DMD: variants seen among roughly 807,000 people sequenced by gnomAD.
DMD encodes mutant dystrophin.
DMD carries 63 observed loss-of-function variants against 330.1 expected under a neutral mutation model. The observed-to-expected ratio is 0.19, with a 90% CI of 0.16 to 0.24. The LOEUF is 0.24. DMD is among the 10% of genes least tolerant of loss of function. The pLI, the probability that DMD is intolerant of heterozygous loss-of-function variation, is 1.00. For synonymous variants in DMD, 1,223 were observed against 959.8 expected, an observed-to-expected ratio of 1.27 and a Z score of -5.07; for missense variants, 3,344 against 2,684.1, an observed-to-expected ratio of 1.25 and a Z score of -5.43.
At chrX:32,697,224 A>C (rs1188951865) in intron 9 of DMD, among the ~76,000 whole-genome samples, 1 of 111,763 alleles carries the variant, frequency 8.9e-6, no homozygotes, top group Non-Finnish European at 1.9e-5. Flanking sequence ...GTTCCATACA[A>C]TATTGAAAGG....
At chrX:31,201,158 TACAC>T (rs57235865) in intron 67 of DMD, among the ~76,000 whole-genome samples, 3,834 of 98,231 alleles carry the variant, frequency 0.039, 78 homozygotes, top group Middle Eastern at 0.068. Flanking sequence ...AGAGACCCTG[TACAC>T]ACACACACAC....
In DMD at chrX:32,668,889, C is replaced by T. The variant is rs148948121; in HGVS notation, c.961-23737G>A. On this transcript the variant is annotated intron_variant, in intron 9 of 78. Transcript: ENST00000357033. ...TAGTTAAATACTAATGGGATTAAAA[C>T]TTCTTATCGAAGCTGTATGCTGAAT... Among the ~76,000 whole-genome samples the T allele has an allele frequency of 7.0e-3, 771 of 110,891 alleles. 7 individuals carry two copies. The highest frequency in any genetic ancestry group is 0.023 in the African/African-American group (706 of 30,516).
At chrX:32,352,439 C>T (rs2097784993) in intron 37 of DMD, among the ~76,000 whole-genome samples, 1 of 110,551 alleles carries the variant, frequency 9.0e-6, no homozygotes, top group Admixed American at 9.7e-5. Flanking sequence ...ATTGTATAAA[C>T]TCATAATCAA....
chrX:32,975,263 T>C (rs1015883109), intron 2 of DMD, among the ~76,000 whole-genome samples: 1 of 106,455 alleles, frequency 9.4e-6, no homozygotes, highest in Non-Finnish European at 1.9e-5. Flanking sequence ...CAACCCACAG[T>C]AAAAACAAAT....
chrX:33,139,868 T>TAAAAAAAAAAAAA (rs3990971), intron 1 of DMD, among the ~76,000 whole-genome samples: 35 of 64,336 alleles, frequency 5.4e-4, no homozygotes, highest in African/African-American at 2.7e-3. Context: ...GCCCCATCGC[T>TAAAAAAAAAAAAA]AAAAAAAAAA....
At chrX:33,112,764 C>A (rs1427975819) in intron 1 of DMD, among the ~76,000 whole-genome samples, 1 of 109,372 alleles carries the variant, frequency 9.1e-6, no homozygotes, top group African/African-American at 3.3e-5. Context: ...TGCATAGCTC[C>A]AATAAAATAT....
At chrX:31,787,830 C>G (rs755926029) in intron 50 of DMD, among the ~76,000 whole-genome samples, 154 of 111,747 alleles carry the variant, frequency 1.4e-3, no homozygotes, top group African/African-American at 4.9e-3. Context: ...TTGTAGAAAA[C>G]CATACTATGC....
At position 32,587,808 on chromosome X, in the gene DMD, T is replaced by C. The variant is rs189743469; in HGVS notation, c.1602+7949A>G. On this transcript the variant is annotated intron_variant, in intron 13 of 78. Transcript: ENST00000357033. Reference sequence around the variant, plus strand: ...TGCTCTGGGCTGATGATGATAATAATAGTAACTAATATTATTATTGCTTAC... The same window carrying C: ...TGCTCTGGGCTGATGATGATAATAACAGTAACTAATATTATTATTGCTTAC... Among the ~76,000 whole-genome samples the C allele has an allele frequency of 7.0e-4, 78 of 112,108 alleles. No homozygotes were observed. The East Asian group carries it at 0.019, about 27-fold the overall frequency.
chrX:32,917,604 T>G (rs1359636920), intron 2 of DMD, among the ~76,000 whole-genome samples: 1 of 111,749 alleles, frequency 8.9e-6, no homozygotes, highest in Non-Finnish European at 1.9e-5. Flanking sequence ...TCTCTCTAAC[T>G]CTATATTGTC....
At chrX:31,582,624 T>TAG (rs2076393130) in intron 55 of DMD, among the ~76,000 whole-genome samples, 1 of 112,089 alleles carries the variant, frequency 8.9e-6, no homozygotes, top group Non-Finnish European at 1.9e-5. Context: ...ATAGTGACTA[T>TAG]TCTTTATTAA....
intron 17 of DMD, among the ~76,000 whole-genome samples, chrX:32,536,002 C>G (rs112797684): frequency 9.0e-6 from 1 of 111,266 alleles, no homozygotes; most frequent in Admixed American, 9.6e-5. Flanking sequence ...CACTGTGGCT[C>G]ATGCCTCTAA....
rs192491017 is a variant in DMD, at chrX:32,404,864, G to C, written c.4233+6888C>G. 4.2e-3 allele frequency among the ~76,000 whole-genome samples: 471 copies of C among 111,529 alleles called. 1 individual carries two copies. The highest frequency in any genetic ancestry group is 0.014 in the African/African-American group (434 of 30,827). On this transcript the variant is annotated intron_variant, in intron 30 of 78. Coordinates refer to ENST00000357033, the MANE Select transcript of DMD (RefSeq NM_004006.3). ...ATTGAAGAAAGCCAAGCAGAGTTCA[G>C]CCTCAAACATCTATATTGAACATTC...
In DMD at chrX:32,386,463, G is replaced by A. The variant is rs2147560055; in HGVS notation, c.4521C>T (p.Asn1507=). The part of the protein sequence containing the change: ...VVQSQLNHCV[N]LYKSLSEVKS... Reference sequence around the variant, plus strand: ...TCACTTCACTCAGACTTTTATACAAGTTCTAAGTTTAAACATAAAACAAAA... The same window carrying A: ...TCACTTCACTCAGACTTTTATACAAATTCTAAGTTTAAACATAAAACAAAA... Residue 1507 remains asparagine (N), a splice_region_variant and synonymous_variant, in exon 33 of 79, where the codon AAC becomes AAT. Coordinates refer to ENST00000357033, the MANE Select transcript of DMD (RefSeq NM_004006.3). The A allele has an allele frequency of 8.4e-7, 1 of 1,196,575 alleles. No homozygotes were observed. The highest frequency in any genetic ancestry group is 1.8e-5 in the South Asian group (1 of 56,613).
chrX:32,473,358 C>T (rs996355041), intron 21 of DMD, among the ~76,000 whole-genome samples: 2 of 111,275 alleles, frequency 1.8e-5, no homozygotes, highest in African/African-American at 6.5e-5. Context: ...CACAGTAAAA[C>T]GGTCTAATAT....
chrX:32,545,107 T>C, intron 17 of DMD, 52 bp downstream of exon 17: 1 of 1,141,228 alleles, frequency 8.8e-7, no homozygotes, highest in Non-Finnish European at 1.2e-6. Flanking sequence ...AAAACTGCTG[T>C]AAATGAGTTT....
chrX:33,102,796 A>C (rs2095251947), intron 1 of DMD, among the ~76,000 whole-genome samples: 1 of 111,952 alleles, frequency 8.9e-6, no homozygotes, highest in East Asian at 2.8e-4. Context: ...ATATGTACAT[A>C]TATATCTACA....
chrX:31,506,711 C>T (rs775578833), intron 56 of DMD, among the ~76,000 whole-genome samples: 60 of 112,160 alleles, frequency 5.3e-4, no homozygotes, highest in Non-Finnish European at 8.1e-4. Context: ...TATACTACAA[C>T]TAAAAGCTTA....
Position 31,209,760 on chromosome X carries a change from T to G in DMD, c.9362-61A>C, listed in dbSNP as rs989504076. ...GAGTAAAACCTTCCTTTCAGTGTCC[T>G]TTTTCCTCTGAGAATCCTAGCTAGG... On this transcript the variant is annotated intron_variant, in intron 64 of 78. Transcript: ENST00000357033. 9 of 1,071,060 alleles carry G rather than the reference T, an allele frequency of 8.4e-6. No homozygotes were observed. The African/African-American group carries it at 1.7e-4, about 20-fold the overall frequency. The allele number at this position is 1,071,060 out of a possible 1,213,427, so 88.3% of individuals were successfully genotyped here.
At chrX:31,541,715 A>G (rs2073839615) in intron 55 of DMD, among the ~76,000 whole-genome samples, 1 of 109,963 alleles carries the variant, frequency 9.1e-6, no homozygotes, top group Admixed American at 9.8e-5. Context: ...TATGTGCCAC[A>G]TTTTCTTAAT....
Sources: allele counts gnomAD v4.1 joint callset (sites outside exome capture counted in the v4.1 genomes callset), GRCh38; gene constraint gnomAD v4.1.1; transcripts MANE v1.5; gene names NCBI Gene and HGNC (gene_info 2026-07-23, HGNC 2026-07-21).